The following APAF1 variants were observed in gnomAD, a reference collection of about 807,000 sequenced individuals.
APAF1 encodes the protein apoptotic protease-activating factor 1.
Under a neutral mutation model 152.4 loss-of-function variants are expected in APAF1, and 91 were observed. The observed-to-expected ratio is 0.60, with a 90% CI of 0.50 to 0.71. The LOEUF (loss-of-function observed/expected upper bound fraction) is 0.71, where lower values mean the gene tolerates loss of function less well. Among genes scored for constraint, APAF1 ranks in the 30% least tolerant of loss-of-function variants. The probability of loss-of-function intolerance (pLI) is 0.00; values close to 1 mark genes in which losing one functional copy is unlikely to be tolerated. For missense variants in APAF1, 1,283 were observed against 1,472.0 expected, an observed-to-expected ratio of 0.87 and a Z score of 2.10; for synonymous variants, 484 against 494.1, an observed-to-expected ratio of 0.98 and a Z score of 0.27.
At position 98,731,423 on chromosome 12, in the gene APAF1, G is replaced by C. The variant is rs529609081; in HGVS notation, c.3601-997G>C. On this transcript the variant is annotated intron_variant, in intron 26 of 26. Transcript: ENST00000551964. The stretch of plus-strand genomic sequence containing the variant: ...AGAGCCTTAGTGACTGAAAACAAAT[G>C]AATCTCAGGTTGGTGGAATGTGCTT... 1.8e-4 allele frequency among the ~76,000 whole-genome samples: 28 copies of C among 152,302 alleles called. No homozygotes were observed. In the South Asian group the frequency reaches 5.6e-3, roughly 30 times the overall value.
chr12:98,677,997 T>G (rs956099061), intron 13 of APAF1, among the ~76,000 whole-genome samples: 2 of 151,618 alleles, frequency 1.3e-5, no homozygotes, highest in Non-Finnish European at 3.0e-5. Flanking sequence ...CCTTTAAGAT[T>G]CCCTTTGTTT....
rs11109582 is a variant in APAF1 at position 98,723,141 on chromosome 12, A to G, written c.3085-52A>G. Reference sequence around the variant, plus strand: ...AATGTACACTCTCTCCACCCCTCCAATGAGATAGGATCGGGGGAGGATTAT... The same window carrying G: ...AATGTACACTCTCTCCACCCCTCCAGTGAGATAGGATCGGGGGAGGATTAT... On this transcript the variant is annotated intron_variant, in intron 22 of 26. Coordinates refer to ENST00000551964, the MANE Select transcript of APAF1 (RefSeq NM_181861.2). 0.33 allele frequency: 526,220 copies of G among 1,589,102 alleles called. 90,131 individuals carry two copies. The highest frequency in any genetic ancestry group is 0.52 in the East Asian group (22,863 of 44,152).
intron 19 of APAF1, among the ~76,000 whole-genome samples, chr12:98,706,953 A>G (rs920155198): frequency 6.6e-6 from 1 of 152,024 alleles, no homozygotes; most frequent in African/African-American, 2.4e-5. Flanking sequence ...GAGAGAGTCT[A>G]CCTTTTCATT....
chr12:98,706,718 A>T, intron 19 of APAF1, 108 bp downstream of exon 19: 1 of 1,253,260 alleles, frequency 8.0e-7, no homozygotes, highest in Admixed American at 1.7e-5. Flanking sequence ...ATAGGAAACT[A>T]GTACTATATT....
At chr12:98,648,256 T>C (rs2097644512) in intron 1 of APAF1, 63 bp from the exon 2 acceptor site, 1 of 1,395,996 alleles carries the variant, frequency 7.2e-7, no homozygotes, top group Non-Finnish European at 1.0e-6. Flanking sequence ...TGTTTATTAG[T>C]GAGATTATGT....
intron 16 of APAF1, among the ~76,000 whole-genome samples, chr12:98,690,523 A>T (rs2097703006): frequency 6.6e-6 from 1 of 152,136 alleles, no homozygotes; most frequent in African/African-American, 2.4e-5. Flanking sequence ...TTTTCCTTTC[A>T]TCTTATCTCC....
At chr12:98,689,470 G>A (rs57391188) in intron 16 of APAF1, among the ~76,000 whole-genome samples, 4 of 126,646 alleles carry the variant, frequency 3.2e-5, no homozygotes, top group Non-Finnish European at 5.0e-5. Context: ...GAGAGTGTGT[G>A]TGTCTGTGTG....
intron 4 of APAF1, among the ~76,000 whole-genome samples, chr12:98,656,100 T>C (rs1403704116): frequency 6.6e-6 from 1 of 152,070 alleles, no homozygotes; most frequent in Non-Finnish European, 1.5e-5. Context: ...GCTAATTTTT[T>C]GTATTTTTTT....
At chr12:98,729,557 T>TACCG (rs1270071229) in intron 26 of APAF1, among the ~76,000 whole-genome samples, 1 of 152,218 alleles carries the variant, frequency 6.6e-6, no homozygotes, top group East Asian at 1.9e-4. Flanking sequence ...CACAGACCAG[T>TACCG]ACCGGTCCAT....
At chr12:98,696,190 C>T (rs2097709623) in intron 16 of APAF1, among the ~76,000 whole-genome samples, 1 of 152,112 alleles carries the variant, frequency 6.6e-6, no homozygotes, top group African/African-American at 2.4e-5. Context: ...GCTCATGATT[C>T]TGATGGCCGG....
chr12:98,703,242 C>A, intron 17 of APAF1, 129 bp from the exon 18 acceptor site: 2 of 980,830 alleles, frequency 2.0e-6, no homozygotes, highest in Non-Finnish European at 3.2e-6. Flanking sequence ...TTATGACTGT[C>A]AATAATTATG....
At chr12:98,667,195 C>T (rs765503614) in intron 9 of APAF1, among the ~76,000 whole-genome samples, 6 of 151,198 alleles carry the variant, frequency 4.0e-5, no homozygotes, top group African/African-American at 1.2e-4. Flanking sequence ...CTCCTGGGCT[C>T]GGTTGGTCCT....
At chr12:98,718,437 G>A (rs2153341588) in intron 22 of APAF1, among the ~76,000 whole-genome samples, 1 of 152,122 alleles carries the variant, frequency 6.6e-6, no homozygotes, top group Middle Eastern at 3.4e-3. Flanking sequence ...GTTTCACGAT[G>A]TTGGCCAGGC....
chr12:98,734,990 G>A lies in APAF1; in HGVS notation c.*2424G>A, dbSNP rs2097767269. The A allele has an allele frequency of 2.6e-6, 1 of 387,462 alleles. No homozygotes were observed. The highest frequency in any genetic ancestry group is 3.6e-5 in the East Asian group (1 of 27,438). 24.0% of individuals were successfully genotyped at this position (387,462 alleles called of 1,614,324 possible). On this transcript the variant is annotated 3_prime_UTR_variant, in exon 27 of 27. Transcript: ENST00000551964. Reference sequence around the variant, plus strand: ...GAGCCAGGTGCGGTGGCACGTGCCTGTAATCCCAGCTCCTTGGGAGGCTAA... The same window carrying A: ...GAGCCAGGTGCGGTGGCACGTGCCTATAATCCCAGCTCCTTGGGAGGCTAA...
chr12:98,715,309 G>A, intron 21 of APAF1, 118 bp from the exon 22 acceptor site: 1 of 573,032 alleles, frequency 1.7e-6, no homozygotes, highest in Non-Finnish European at 2.9e-6. Context: ...AATTAGGCTG[G>A]AAGCACCAGA....
intron 10 of APAF1, among the ~76,000 whole-genome samples, 183 bp downstream of exon 10, chr12:98,667,827 A>G (rs746207393): frequency 8.1e-6 from 1 of 123,648 alleles, no homozygotes; most frequent in Non-Finnish European, 1.6e-5. Context: ...GCTGGAGTGC[A>G]GTGGCACAAT....
intron 12 of APAF1, among the ~76,000 whole-genome samples, chr12:98,675,692 A>T (rs2097685755): frequency 6.6e-6 from 1 of 152,178 alleles, no homozygotes; most frequent in African/African-American, 2.4e-5. Context: ...TGCAAATCCT[A>T]TACCATTTTA....
chr12:98,693,602 G>A (rs2097706677), intron 16 of APAF1, among the ~76,000 whole-genome samples: 1 of 151,974 alleles, frequency 6.6e-6, no homozygotes, highest in South Asian at 2.1e-4. Flanking sequence ...CTCCTTAAAT[G>A]ATTCAAACTT....
chr12:98,685,492 A>G (rs574362806), intron 15 of APAF1, among the ~76,000 whole-genome samples: 11 of 150,992 alleles, frequency 7.3e-5, no homozygotes, highest in African/African-American at 2.7e-4. Flanking sequence ...CCGTGCCACC[A>G]TGCCTGGCTA....
Sources: gnomAD v4.1 joint callset for allele counts (sites outside exome capture counted in the v4.1 genomes callset) on GRCh38, gnomAD v4.1.1 for gene constraint, MANE v1.5 for transcripts, NCBI Gene and HGNC (gene_info 2026-07-23, HGNC 2026-07-21) for gene names.